HMGCLL1: variants seen among roughly 807,000 people sequenced by gnomAD.
HMGCLL1 encodes 3-hydroxymethyl-3-methylglutaryl-CoA lyase, cytoplasmic.
Under a neutral mutation model 39.1 loss-of-function variants are expected in HMGCLL1, and 36 were observed. The observed-to-expected ratio is 0.92, with a 90% CI of 0.71 to 1.22. HMGCLL1 has a LOEUF of 1.22. Among genes scored for constraint, HMGCLL1 ranks in the 50% most tolerant of loss-of-function variants. The pLI, the probability that HMGCLL1 is intolerant of heterozygous loss-of-function variation, is 0.00. For missense variants in HMGCLL1, 451 were observed against 416.5 expected (o/e 1.08, Z -0.72); for synonymous variants, 149 against 144.0 (o/e 1.03, Z -0.25).
chr6:55,666,401 T>C, the HMGCLL1 span, among the ~76,000 whole-genome samples: 1 of 151,672 alleles, frequency 6.6e-6, no homozygotes, highest in Non-Finnish European at 1.5e-5. Flanking sequence ...CTTTGTGAAG[T>C]GCCCGAGTTA....
the HMGCLL1 span, among the ~76,000 whole-genome samples, chr6:55,628,504 A>G: frequency 2.6e-5 from 4 of 151,654 alleles, no homozygotes; most frequent in South Asian, 4.2e-4. Context: ...GGGTTTTGCC[A>G]TGTTAGCCAG....
At chr6:55,583,199 T>TTA, upstream of HMGCLL1, among the ~76,000 whole-genome samples, 1 of 152,202 alleles carries the variant, frequency 6.6e-6, no homozygotes, top group Non-Finnish European at 1.5e-5. Context: ...TTTTCTTTTT[T>TTA]TTATTATTAT....
At chr6:55,496,517 G>A (rs2127424498) in intron 6 of HMGCLL1, among the ~76,000 whole-genome samples, 1 of 152,192 alleles carries the variant, frequency 6.6e-6, no homozygotes, top group Non-Finnish European at 1.5e-5. Flanking sequence ...TAAAATCCTG[G>A]TGATGCTAAT....
the HMGCLL1 span, among the ~76,000 whole-genome samples, chr6:55,630,696 C>T: frequency 5.3e-5 from 8 of 152,114 alleles, no homozygotes; most frequent in Middle Eastern, 3.4e-3. Context: ...ATTCACTACT[C>T]TCCTGACAGT....
intron 1 of HMGCLL1, among the ~76,000 whole-genome samples, chr6:55,563,121 A>G (rs1771035757): frequency 6.6e-6 from 1 of 152,102 alleles, no homozygotes; most frequent in South Asian, 2.1e-4. Flanking sequence ...ATAAAAACAT[A>G]TTTACAAGAA....
the HMGCLL1 span, among the ~76,000 whole-genome samples, chr6:55,592,235 T>C: frequency 6.6e-6 from 1 of 151,994 alleles, no homozygotes; most frequent in Admixed American, 6.6e-5. Flanking sequence ...TATTTTACCT[T>C]TCTCTCTTTT....
the HMGCLL1 span, among the ~76,000 whole-genome samples, chr6:55,613,566 T>C: frequency 3.9e-5 from 6 of 152,078 alleles, no homozygotes; most frequent in African/African-American, 1.4e-4. Context: ...AATGATAGAC[T>C]GGATAAAGAA....
chr6:55,508,086 C>T (rs1767259880), intron 5 of HMGCLL1, among the ~76,000 whole-genome samples: 1 of 151,748 alleles, frequency 6.6e-6, no homozygotes, highest in African/African-American at 2.4e-5. Flanking sequence ...CAGTCCAACA[C>T]AACAGCCATC....
chr6:55,656,111 T>C, the HMGCLL1 span, among the ~76,000 whole-genome samples: 1 of 152,048 alleles, frequency 6.6e-6, no homozygotes, highest in Admixed American at 6.6e-5. Flanking sequence ...GGGAATTTTT[T>C]TCAATATCTC....
chr6:55,632,770 T>C, the HMGCLL1 span, among the ~76,000 whole-genome samples: 1 of 152,102 alleles, frequency 6.6e-6, no homozygotes, highest in Non-Finnish European at 1.5e-5. Flanking sequence ...TTACCATGCC[T>C]GGTAAGTAAG....
intron 1 of HMGCLL1, among the ~76,000 whole-genome samples, chr6:55,551,947 G>A (rs1173712773): frequency 1.3e-5 from 2 of 151,940 alleles, no homozygotes; most frequent in Admixed American, 1.3e-4. Flanking sequence ...CCTATTGTCT[G>A]TCATAATATA....
chr6:55,442,130 T>C (rs1042382236), intron 7 of HMGCLL1, among the ~76,000 whole-genome samples: 16 of 152,064 alleles, frequency 1.1e-4, no homozygotes, highest in Non-Finnish European at 2.1e-4. Flanking sequence ...GGTATTAACT[T>C]TTCTTGTCTG....
the HMGCLL1 span, among the ~76,000 whole-genome samples, chr6:55,630,198 C>A: frequency 6.6e-6 from 1 of 152,148 alleles, no homozygotes; most frequent in African/African-American, 2.4e-5. Flanking sequence ...TGGGAGCCTA[C>A]CTCTTGCATC....
chr6:55,596,184 G>A, the HMGCLL1 span, among the ~76,000 whole-genome samples: 12 of 152,156 alleles, frequency 7.9e-5, no homozygotes, highest in Middle Eastern at 3.4e-3. Context: ...AAAATTAGCC[G>A]GATGTGGCGG....
chr6:55,515,970 T>C (rs1176481281), intron 4 of HMGCLL1, among the ~76,000 whole-genome samples: 2 of 152,028 alleles, frequency 1.3e-5, no homozygotes, highest in Non-Finnish European at 2.9e-5. Flanking sequence ...CTCATATGTA[T>C]AATTATTAAA....
chr6:55,674,250 T>G, the HMGCLL1 span, among the ~76,000 whole-genome samples: 1 of 151,904 alleles, frequency 6.6e-6, no homozygotes, highest in Non-Finnish European at 1.5e-5. Flanking sequence ...GTAAGTTAGT[T>G]TTATGACTCA....
intron 3 of HMGCLL1, among the ~76,000 whole-genome samples, chr6:55,522,761 A>G (rs1306202461): frequency 6.6e-6 from 1 of 152,060 alleles, no homozygotes; most frequent in Admixed American, 6.6e-5. Context: ...TTAGTCCACT[A>G]TAAGTTTGCA....
chr6:55,656,040 A>C, the HMGCLL1 span, among the ~76,000 whole-genome samples: 3 of 152,024 alleles, frequency 2.0e-5, no homozygotes, highest in African/African-American at 7.2e-5. Flanking sequence ...TAATTCCAAA[A>C]TAATATATCT....
chr6:55,672,308 T>C, the HMGCLL1 span, among the ~76,000 whole-genome samples: 2 of 151,024 alleles, frequency 1.3e-5, no homozygotes, highest in African/African-American at 2.5e-5. Context: ...CTGTATCTTC[T>C]AGAATAAATA....
Sources: allele counts gnomAD v4.1 joint callset (sites outside exome capture counted in the v4.1 genomes callset), GRCh38; gene constraint gnomAD v4.1.1; transcripts MANE v1.5; gene names NCBI Gene and HGNC (gene_info 2026-07-23, HGNC 2026-07-21).